Variants in CHSY3 observed in about 807,000 individuals in gnomAD.
CHSY3 encodes the protein chondroitin sulfate synthase 3.
A neutral mutation model predicts 67.2 loss-of-function variants in CHSY3; 35 were observed. The ratio of observed to expected loss-of-function variants is 0.52; its 90% CI spans 0.40 to 0.69. CHSY3 has a LOEUF of 0.69. Ranked by LOEUF, CHSY3 falls within the 30% of genes least tolerant of loss-of-function variation. The pLI is 0.00. For synonymous variants in CHSY3, 474 were observed against 434.7 expected, an observed-to-expected ratio of 1.09 and a Z score of -1.12; for missense variants, 1,069 against 1,138.5, an observed-to-expected ratio of 0.94 and a Z score of 0.88.
At chr5:129,965,166 T>C (rs1762436093) in intron 2 of CHSY3, among the ~76,000 whole-genome samples, 1 of 151,876 alleles carries the variant, frequency 6.6e-6, no homozygotes, top group African/African-American at 2.4e-5. Flanking sequence ...CGTTATTTTG[T>C]GGAAAGAGCT....
intron 2 of CHSY3, among the ~76,000 whole-genome samples, chr5:130,099,387 G>T (rs1767155452): frequency 2.0e-5 from 3 of 152,196 alleles, no homozygotes; most frequent in African/African-American, 7.2e-5. Flanking sequence ...TTAGTAGTGT[G>T]TCCTTTTACT....
intron 2 of CHSY3, among the ~76,000 whole-genome samples, chr5:130,059,689 T>C (rs543721911): frequency 6.6e-6 from 1 of 152,274 alleles, no homozygotes; most frequent in South Asian, 2.1e-4. Context: ...GGACATGTTT[T>C]AACCGACTAC....
chr5:130,066,816 G>A (rs192135010), intron 2 of CHSY3, among the ~76,000 whole-genome samples: 7 of 152,172 alleles, frequency 4.6e-5, no homozygotes, highest in East Asian at 1.9e-4. Flanking sequence ...CCTCACTGTC[G>A]GATGCTTCTC....
chr5:130,167,033 A>C (rs1018874092), intron 2 of CHSY3, among the ~76,000 whole-genome samples: 2 of 152,122 alleles, frequency 1.3e-5, no homozygotes, highest in African/African-American at 4.8e-5. Flanking sequence ...AATAGGGGAG[A>C]GAGATTGAAC....
intron 2 of CHSY3, among the ~76,000 whole-genome samples, chr5:130,010,450 A>G (rs1172532971): frequency 6.6e-6 from 1 of 152,226 alleles, no homozygotes; most frequent in Admixed American, 6.5e-5. Flanking sequence ...CAGGGATACA[A>G]TACACCAGAA....
rs1409423232 is a variant in CHSY3 at position 129,905,646 on chromosome 5, C to T, written c.802+15C>T. 1.9e-6 allele frequency: 3 copies of T among 1,609,378 alleles called. No homozygotes were observed. Among genetic ancestry groups the T allele is most frequent in the African/African-American group, 1.3e-5 (1 of 74,980 alleles). On this transcript the variant is annotated intron_variant, in intron 1 of 2. Transcript: ENST00000305031. ...CTACATCAAAGGTGACCTCCCTGCG[C>T]CGGCTTTCCAGCCTGCCAGTCTCCC...
At chr5:129,933,365 A>G (rs1005881417) in intron 2 of CHSY3, among the ~76,000 whole-genome samples, 4 of 152,164 alleles carry the variant, frequency 2.6e-5, no homozygotes, top group Non-Finnish European at 5.9e-5. Flanking sequence ...CAGCTCTTTC[A>G]ATTCATGTTT....
chr5:130,026,857 C>CT lies in CHSY3; in HGVS notation c.1086+118501dup, dbSNP rs563431575. ...ATTTTTAAAAATACTGACAAGTTTA[C>CT]TTTTCTGTAATTTGAGATAAAAATA... On this transcript the variant is annotated intron_variant, in intron 2 of 2. Transcript: ENST00000305031. Among the ~76,000 whole-genome samples the CT allele has an allele frequency of 6.3e-3, 954 of 152,178 alleles. 4 individuals are homozygous for CT. The highest frequency in any genetic ancestry group is 0.01 in the Middle Eastern group (3 of 294).
At chr5:130,139,150 C>T (rs964721344) in intron 2 of CHSY3, among the ~76,000 whole-genome samples, 3 of 152,154 alleles carry the variant, frequency 2.0e-5, no homozygotes, top group African/African-American at 7.2e-5. Context: ...AATCATATCA[C>T]TAGGCAATAA....
At chr5:129,964,891 A>AT (rs965868851) in intron 2 of CHSY3, among the ~76,000 whole-genome samples, 24 of 151,742 alleles carry the variant, frequency 1.6e-4, no homozygotes, top group Non-Finnish European at 2.7e-4. Flanking sequence ...AAGGTTCTTG[A>AT]TTTTTTCATT....
At chr5:129,984,157 T>C in intron 2 of CHSY3, among the ~76,000 whole-genome samples, 1 of 152,084 alleles carries the variant, frequency 6.6e-6, no homozygotes, top group East Asian at 1.9e-4. Flanking sequence ...ACCCAATAGG[T>C]AGTTTTTCAA....
intron 2 of CHSY3, among the ~76,000 whole-genome samples, chr5:130,102,003 T>C (rs1393495283): frequency 6.6e-6 from 1 of 152,156 alleles, no homozygotes; most frequent in Non-Finnish European, 1.5e-5. Flanking sequence ...AACTGTATCA[T>C]GAAAAACAAC....
At chr5:129,955,774 G>A (rs1184189977) in intron 2 of CHSY3, among the ~76,000 whole-genome samples, 1 of 151,966 alleles carries the variant, frequency 6.6e-6, no homozygotes, top group Non-Finnish European at 1.5e-5. Flanking sequence ...TCCACTTATA[G>A]ATAAGAATAT....
intron 2 of CHSY3, among the ~76,000 whole-genome samples, chr5:130,154,539 C>A (rs1221163318): frequency 6.6e-6 from 1 of 152,150 alleles, no homozygotes; most frequent in African/African-American, 2.4e-5. Context: ...GTGTGTCTAT[C>A]CATCCAGCGT....
At chr5:130,008,533 A>G (rs1763950413) in intron 2 of CHSY3, among the ~76,000 whole-genome samples, 1 of 152,250 alleles carries the variant, frequency 6.6e-6, no homozygotes, top group African/African-American at 2.4e-5. Context: ...GAAAAGAACT[A>G]GCACAGGAAT....
intron 2 of CHSY3, among the ~76,000 whole-genome samples, chr5:129,990,941 G>A (rs1312980107): frequency 6.6e-6 from 1 of 152,034 alleles, no homozygotes; most frequent in African/African-American, 2.4e-5. Flanking sequence ...CTATCCAAGA[G>A]GTGACACCTA....
intron 2 of CHSY3, among the ~76,000 whole-genome samples, chr5:130,121,317 G>A (rs1202077317): frequency 6.6e-6 from 1 of 152,176 alleles, no homozygotes; most frequent in Admixed American, 6.5e-5. Flanking sequence ...GCATGAGAAA[G>A]AAGGATAAAG....
intron 1 of CHSY3, among the ~76,000 whole-genome samples, chr5:129,906,969 G>A (rs1430456738): frequency 6.6e-6 from 1 of 152,138 alleles, no homozygotes; most frequent in East Asian, 1.9e-4. Flanking sequence ...GAGCAGGTTG[G>A]AATAGAAAAT....
chr5:129,977,062 A>G (rs1433979732), intron 2 of CHSY3, among the ~76,000 whole-genome samples: 1 of 152,010 alleles, frequency 6.6e-6, no homozygotes, highest in Non-Finnish European at 1.5e-5. Context: ...TACATTTTAT[A>G]CCTCGAATCT....
Sources: gnomAD v4.1 joint callset for allele counts (sites outside exome capture counted in the v4.1 genomes callset) on GRCh38, gnomAD v4.1.1 for gene constraint, MANE v1.5 for transcripts, NCBI Gene and HGNC (gene_info 2026-07-23, HGNC 2026-07-21) for gene names.